FNBP4: variants seen among roughly 807,000 people sequenced by gnomAD.
FNBP4 encodes the protein formin binding protein 4, also known as formin-binding protein 4.
FNBP4 carries 34 observed loss-of-function variants against 119.3 expected under a neutral mutation model. That is an observed-to-expected ratio of 0.28 (90% CI 0.22 to 0.38). The LOEUF (loss-of-function observed/expected upper bound fraction) is 0.38, where lower values mean the gene tolerates loss of function less well. Ranked by LOEUF, FNBP4 falls within the 10% of genes least tolerant of loss-of-function variation. The probability of loss-of-function intolerance (pLI) is 1.00; values close to 1 mark genes in which losing one functional copy is unlikely to be tolerated. For missense variants in FNBP4, 1,112 were observed against 1,228.9 expected (o/e 0.90, Z 1.42); for synonymous variants, 462 against 430.6 (o/e 1.07, Z -0.90).
chr11:47,766,931 G>A, intron 1 of FNBP4, 138 bp downstream of exon 1: 1 of 1,357,956 alleles, frequency 7.4e-7, no homozygotes, highest in Non-Finnish European at 9.4e-7. Flanking sequence ...GCCCAGGGCC[G>A]CCCCGCCTGC....
chr11:47,722,312 G>C (rs1054664310), intron 15 of FNBP4, among the ~76,000 whole-genome samples: 1 of 151,136 alleles, frequency 6.6e-6, no homozygotes, highest in African/African-American at 2.4e-5. Flanking sequence ...GCAGTGGTGC[G>C]ATCTCAGCTC....
rs1338687421 is a variant in FNBP4, at chr11:47,734,067, T to C, written c.1644A>G (p.Arg548=). Reference sequence around the variant, plus strand: ...GCACATGAAAGTTGGAGATGGATTGTCTATTAATGCCTAGAAACTCGAATT... The same window carrying C: ...GCACATGAAAGTTGGAGATGGATTGCCTATTAATGCCTAGAAACTCGAATT... ...TSKFEFLGIN[R]QSISNFHVLL... Residue 548 remains arginine, a synonymous_variant, in exon 10 of 17, where the codon AGA becomes AGG. Coordinates refer to ENST00000263773, the MANE Select transcript of FNBP4 (RefSeq NM_015308.5). The C allele has an allele frequency of 3.1e-6, 5 of 1,595,564 alleles. No individual in the cohort carries two copies. Among genetic ancestry groups the C allele is most frequent in the Non-Finnish European group, 4.3e-6 (5 of 1,175,778 alleles).
intron 2 of FNBP4, among the ~76,000 whole-genome samples, chr11:47,756,626 A>AT (rs1286784402): frequency 2.6e-5 from 4 of 152,028 alleles, no homozygotes; most frequent in Non-Finnish European, 5.9e-5. Context: ...TACATGTACT[A>AT]TGTTGGTGTG....
intron 16 of FNBP4, among the ~76,000 whole-genome samples, chr11:47,718,215 T>C (rs2097551712): frequency 7.4e-6 from 1 of 134,282 alleles, no homozygotes; most frequent in Non-Finnish European, 1.8e-5. Context: ...GGATCTAATG[T>C]TTTTTTTTCT....
At chr11:47,749,512 C>T (rs1013153307) in intron 6 of FNBP4, among the ~76,000 whole-genome samples, 2 of 152,006 alleles carry the variant, frequency 1.3e-5, no homozygotes, top group African/African-American at 2.4e-5. Flanking sequence ...GCTGAAATCG[C>T]GCCACTCCCT....
intron 8 of FNBP4, among the ~76,000 whole-genome samples, chr11:47,740,258 T>C (rs888333821): frequency 6.6e-6 from 1 of 151,562 alleles, no homozygotes; most frequent in South Asian, 2.1e-4. Flanking sequence ...GTACTAAAAA[T>C]ACAAAAATTA....
Position 47,717,354 on chromosome 11 carries a change from AACTGGTTAAG to A in FNBP4, c.*58_*67del. The A allele has an allele frequency of 1.9e-6, 2 of 1,077,754 alleles. No homozygotes were observed. Among genetic ancestry groups the A allele is most frequent in the Non-Finnish European group, 2.7e-6 (2 of 728,118 alleles). The allele number at this position is 1,077,754 out of a possible 1,614,324, so 66.8% of individuals were successfully genotyped here. ...ACATTTATAGTTTATTTGACAATAA[AACTGGTTAAG>A]ACTTTGAACTGAACACAAAACAAAC... On this transcript the variant is annotated 3_prime_UTR_variant, in exon 17 of 17. Transcript: ENST00000263773.
At chr11:47,750,563 C>T (rs2097600313) in intron 6 of FNBP4, among the ~76,000 whole-genome samples, 3 of 150,226 alleles carry the variant, frequency 2.0e-5, no homozygotes, top group East Asian at 3.9e-4. Flanking sequence ...GTAGCGGGTG[C>T]TTGTAATCCC....
At position 47,717,188 on chromosome 11, in the gene FNBP4, A is replaced by C. The variant is rs1774234085; in HGVS notation, c.*234T>G. On this transcript the variant is annotated 3_prime_UTR_variant, in exon 17 of 17. Transcript: ENST00000263773. Reference sequence around the variant, plus strand: ...ATACACCTAACATGCTAAGTTTGCCAGTTTGAGAATAAAGGCAGCATGGTC... The same window carrying C: ...ATACACCTAACATGCTAAGTTTGCCCGTTTGAGAATAAAGGCAGCATGGTC... The C allele has an allele frequency of 4.3e-6, 2 of 462,796 alleles. No individual in the cohort carries two copies. The highest frequency in any genetic ancestry group is 3.9e-5 in the African/African-American group (2 of 51,014). 28.7% of individuals were successfully genotyped at this position (462,796 alleles called of 1,614,324 possible). A position where few individuals can be genotyped will look rare whatever the true frequency, so the allele number is the denominator to read the frequency against.
chr11:47,764,927 G>A (rs2097643609), intron 2 of FNBP4, among the ~76,000 whole-genome samples: 1 of 152,102 alleles, frequency 6.6e-6, no homozygotes, highest in African/African-American at 2.4e-5. Flanking sequence ...ACCAATGTTT[G>A]TTAGGTAACC....
intron 9 of FNBP4, 51 bp downstream of exon 9, chr11:47,736,565 A>G: frequency 1.4e-6 from 2 of 1,436,358 alleles, no homozygotes; most frequent in Non-Finnish European, 1.9e-6. Context: ...GTCTCAAAAT[A>G]ATGATAATAA....
At chr11:47,750,597 G>A (rs1055855946) in intron 6 of FNBP4, among the ~76,000 whole-genome samples, 1 of 145,088 alleles carries the variant, frequency 6.9e-6, no homozygotes, top group African/African-American at 2.6e-5. Flanking sequence ...GCTGAGGCAG[G>A]AGAATGGTGT....
intron 2 of FNBP4, among the ~76,000 whole-genome samples, chr11:47,764,763 A>T (rs1165986064): frequency 6.6e-6 from 1 of 152,244 alleles, no homozygotes; most frequent in Admixed American, 6.5e-5. Flanking sequence ...CATTTTACAG[A>T]TTAATGAGGT....
At chr11:47,746,575 C>T (rs1025947168) in intron 6 of FNBP4, among the ~76,000 whole-genome samples, 181 bp from the exon 7 acceptor site, 1 of 151,674 alleles carries the variant, frequency 6.6e-6, no homozygotes, top group Non-Finnish European at 1.5e-5. Context: ...AGTGCAGTGG[C>T]ACAATCTTGG....
chr11:47,744,103 C>G lies in FNBP4; in HGVS notation c.1306G>C (p.Asp436His). Residue 436 changes from aspartate to histidine, a missense_variant, in exon 8 of 17, where the codon GAT (aspartate) becomes CAT (histidine). This residue lies in a region of FNBP4 where 826 missense variants were observed against 988.8 expected (regional missense o/e 0.84). Transcript: ENST00000263773. The part of the protein sequence containing the change: ...GSVSGSSPRS[D>H]ISQPASQDGM... ...TCTTGAGATGCTGGCTGGCTGATAT[C>G]AGAACGTGGACTAGACCCTGACACA... is the stretch of plus-strand genomic sequence containing the variant. The G allele has an allele frequency of 6.2e-7, 1 of 1,614,160 alleles. No homozygotes were observed. The highest frequency in any genetic ancestry group is 8.5e-7 in the Non-Finnish European group (1 of 1,180,038).
intron 8 of FNBP4, 109 bp downstream of exon 8, chr11:47,743,844 G>T: frequency 2.1e-6 from 2 of 963,530 alleles, no homozygotes; most frequent in Non-Finnish European, 3.1e-6. Context: ...TTCTCCCAAA[G>T]AGTAAAAGTA....
intron 1 of FNBP4, among the ~76,000 whole-genome samples, 159 bp downstream of exon 1, chr11:47,766,910 T>G (rs1401839889): frequency 6.6e-6 from 1 of 151,054 alleles, no homozygotes; most frequent in African/African-American, 2.4e-5. Context: ...CTGGCCCTTC[T>G]GCGGCCCGGA....
At chr11:47,751,447 T>C (rs1792375381) in intron 4 of FNBP4, among the ~76,000 whole-genome samples, 157 bp from the exon 5 acceptor site, 1 of 151,930 alleles carries the variant, frequency 6.6e-6, no homozygotes, top group Admixed American at 6.6e-5. Context: ...ATGTGGAGGT[T>C]TTAGCAGCAC....
At chr11:47,738,162 G>A (rs1221501813) in intron 8 of FNBP4, among the ~76,000 whole-genome samples, 1 of 152,024 alleles carries the variant, frequency 6.6e-6, no homozygotes, top group Non-Finnish European at 1.5e-5. Flanking sequence ...CTCCAAAAGA[G>A]AAGAGGTCTA....
Sources: allele counts gnomAD v4.1 joint callset (sites outside exome capture counted in the v4.1 genomes callset), GRCh38; gene constraint gnomAD v4.1.1; regional missense constraint gnomAD v4.1.1; transcripts MANE v1.5; gene names NCBI Gene and HGNC (gene_info 2026-07-23, HGNC 2026-07-21).